The following ZNF138 variants were observed in gnomAD, a reference collection of about 807,000 sequenced individuals.
ZNF138 encodes the protein zinc finger protein 138 (clone pHZ-32).
In ZNF138, 33 loss-of-function variants were observed where a neutral mutation model predicts 33.0. The ratio of observed to expected loss-of-function variants is 1.00; its 90% CI spans 0.76 to 1.34. The LOEUF (loss-of-function observed/expected upper bound fraction) is 1.34, where lower values mean the gene tolerates loss of function less well. ZNF138 is among the 40% of genes most tolerant of loss of function. The pLI is 0.00. For synonymous variants in ZNF138, 139 were observed against 120.4 expected (o/e 1.15, Z -1.01); for missense variants, 360 against 370.8 (o/e 0.97, Z 0.24).
At chr7:64,816,574 T>C (rs1284611312) in intron 3 of ZNF138, among the ~76,000 whole-genome samples, 2 of 152,218 alleles carry the variant, frequency 1.3e-5, no homozygotes, top group Non-Finnish European at 2.9e-5. Flanking sequence ...TTATCAGTAT[T>C]GACATGTTTT....
rs370833104 is a variant in ZNF138 at position 64,814,982 on chromosome 7, C to A, written c.68C>A (p.Thr23Asn). 1 of 1,613,262 alleles carries A rather than the reference C, an allele frequency of 6.2e-7. No homozygotes were observed. The highest frequency in any genetic ancestry group is 8.5e-7 in the Non-Finnish European group (1 of 1,179,636). Residue 23 changes from threonine (T) to asparagine (N), a missense_variant, in exon 2 of 4, where the codon ACT becomes AAT. Transcript: ENST00000307355. ...TTGGAGGAGTGGCAGTGCCTGGACACTGCACAGCGGAATGTATATAGGCAT... is the reference window on the plus strand; with the variant it reads ...TTGGAGGAGTGGCAGTGCCTGGACAATGCACAGCGGAATGTATATAGGCAT... ...FSLEEWQCLDTAQRNVYRHVM... is the reference protein window; with the variant it reads ...FSLEEWQCLDNAQRNVYRHVM...
chr7:64,804,379 C>A (rs1015224257), intron 1 of ZNF138, among the ~76,000 whole-genome samples: 3 of 152,108 alleles, frequency 2.0e-5, no homozygotes, highest in Admixed American at 1.3e-4. Flanking sequence ...TCATGTGGAC[C>A]CCCTTGGAGT....
the ZNF138 span, among the ~76,000 whole-genome samples, chr7:64,840,759 G>C: frequency 2.0e-5 from 3 of 151,826 alleles, no homozygotes; most frequent in African/African-American, 7.3e-5. Context: ...TTGAACATTT[G>C]GTCTCTCTCT....
At chr7:64,810,626 A>G (rs1286381383) in intron 1 of ZNF138, among the ~76,000 whole-genome samples, 1 of 151,974 alleles carries the variant, frequency 6.6e-6, no homozygotes, top group South Asian at 2.1e-4. Flanking sequence ...GAAGTTCACA[A>G]ACTGTGGGAT....
At chr7:64,847,338 T>TTTTC in the ZNF138 span, among the ~76,000 whole-genome samples, 1 of 89,308 alleles carries the variant, frequency 1.1e-5, no homozygotes, top group African/African-American at 5.0e-5. Flanking sequence ...ATATATTTTT[T>TTTTC]TTTTTTTTTT....
chr7:64,816,760 C>A (rs912862535), intron 3 of ZNF138, among the ~76,000 whole-genome samples: 4 of 152,058 alleles, frequency 2.6e-5, no homozygotes, highest in African/African-American at 4.8e-5. Flanking sequence ...TGCATTGGTG[C>A]TTGTGATTTT....
At chr7:64,831,015 T>C (rs1198165592) in intron 3 of ZNF138, 2 of 1,551,868 alleles carry the variant, frequency 1.3e-6, no homozygotes, top group Non-Finnish European at 1.7e-6. Context: ...GTTTCAGCAC[T>C]TTATGTCATG....
chr7:64,799,307 C>T (rs888781537), intron 1 of ZNF138, among the ~76,000 whole-genome samples: 3 of 152,058 alleles, frequency 2.0e-5, no homozygotes, highest in Admixed American at 6.6e-5. Flanking sequence ...GCTGGGATTA[C>T]AGACATGCGC....
chr7:64,822,043 C>T (rs556391796), intron 3 of ZNF138, among the ~76,000 whole-genome samples: 14 of 149,388 alleles, frequency 9.4e-5, no homozygotes, highest in Non-Finnish European at 1.8e-4. Flanking sequence ...CTCTGCCTCC[C>T]GAGTAGCTGG....
chr7:64,818,449 A>T (rs544879294), intron 3 of ZNF138, among the ~76,000 whole-genome samples: 23 of 152,088 alleles, frequency 1.5e-4, no homozygotes, highest in African/African-American at 5.1e-4. Flanking sequence ...AATTATGTAT[A>T]GTTTCTTTAA....
intron 1 of ZNF138, among the ~76,000 whole-genome samples, chr7:64,810,633 G>A (rs1386775066): frequency 1.3e-5 from 2 of 151,852 alleles, no homozygotes; most frequent in Non-Finnish European, 2.9e-5. Context: ...ACAAACTGTG[G>A]GATTTAATTT....
chr7:64,808,396 A>AT (rs1787786097), intron 1 of ZNF138, among the ~76,000 whole-genome samples: 1 of 152,136 alleles, frequency 6.6e-6, no homozygotes, highest in Non-Finnish European at 1.5e-5. Context: ...GATCCCTACC[A>AT]TCCAGGAACT....
At chr7:64,794,862 G>C in intron 1 of ZNF138, among the ~76,000 whole-genome samples, 1 of 152,184 alleles carries the variant, frequency 6.6e-6, no homozygotes, top group South Asian at 2.1e-4. Flanking sequence ...CGGGAGGGTC[G>C]TCAGGGGAGA....
intron 1 of ZNF138, among the ~76,000 whole-genome samples, chr7:64,811,588 C>A (rs1411916766): frequency 6.6e-6 from 1 of 152,140 alleles, no homozygotes; most frequent in African/African-American, 2.4e-5. Flanking sequence ...TCAGGTGATC[C>A]ACCTGTTTTG....
intron 3 of ZNF138, among the ~76,000 whole-genome samples, chr7:64,823,585 T>G (rs1789341683): frequency 6.6e-6 from 1 of 152,162 alleles, no homozygotes; most frequent in Non-Finnish European, 1.5e-5. Context: ...TCCTCCCACC[T>G]TGGTCCCCCA....
At chr7:64,803,988 C>T (rs543083459) in intron 1 of ZNF138, among the ~76,000 whole-genome samples, 1 of 152,252 alleles carries the variant, frequency 6.6e-6, no homozygotes, top group Non-Finnish European at 1.5e-5. Context: ...CGTAATAGCT[C>T]TTCACTTACC....
chr7:64,844,375 G>A, the ZNF138 span, among the ~76,000 whole-genome samples: 1 of 150,204 alleles, frequency 6.7e-6, no homozygotes, highest in Non-Finnish European at 1.5e-5. Context: ...GTCTGGATGT[G>A]GGTCTTACCA....
chr7:64,816,540 A>G (rs1308311521), intron 3 of ZNF138, among the ~76,000 whole-genome samples: 1 of 151,972 alleles, frequency 6.6e-6, no homozygotes, highest in Non-Finnish European at 1.5e-5. Context: ...TTAATTTTAT[A>G]TTTCGGTAAT....
At chr7:64,803,302 GAC>G (rs1268065573) in intron 1 of ZNF138, among the ~76,000 whole-genome samples, 1 of 137,720 alleles carries the variant, frequency 7.3e-6, no homozygotes, top group Non-Finnish European at 1.5e-5. Context: ...TTTTAAGGTA[GAC>G]ACAGATTTGT....
Sources: allele counts gnomAD v4.1 joint callset (sites outside exome capture counted in the v4.1 genomes callset), GRCh38; gene constraint gnomAD v4.1.1; transcripts MANE v1.5; gene names NCBI Gene and HGNC (gene_info 2026-07-23, HGNC 2026-07-21).